The following RICTOR variants were observed in gnomAD, a reference collection of about 807,000 sequenced individuals.
The protein encoded by RICTOR is RPTOR independent companion of MTOR complex 2.
Under a neutral mutation model 214.9 loss-of-function variants are expected in RICTOR, and 49 were observed. That is an observed-to-expected ratio of 0.23 (90% CI 0.18 to 0.29). The LOEUF is 0.29. RICTOR is among the 10% of genes least tolerant of loss of function. The probability of loss-of-function intolerance (pLI) is 1.00; values close to 1 mark genes in which losing one functional copy is unlikely to be tolerated. For synonymous variants in RICTOR, 717 were observed against 711.3 expected, an observed-to-expected ratio of 1.01 and a Z score of -0.13; for missense variants, 1,625 against 2,047.0, an observed-to-expected ratio of 0.79 and a Z score of 3.98.
chr5:39,057,657 C>T (rs919668363), intron 2 of RICTOR, among the ~76,000 whole-genome samples: 2 of 152,088 alleles, frequency 1.3e-5, no homozygotes, highest in Non-Finnish European at 2.9e-5. Context: ...AAATTCACCA[C>T]TAAAAACAAG....
At position 38,968,484 on chromosome 5, in the gene RICTOR, A is replaced by AC. The variant is rs199637538; in HGVS notation, c.973-455_973-454insG. 4.8e-3 allele frequency among the ~76,000 whole-genome samples: 722 copies of AC among 151,754 alleles called. 8 individuals carry two copies. Among genetic ancestry groups the AC allele is most frequent in the African/African-American group, 0.015 (616 of 41,384 alleles). On this transcript the variant is annotated intron_variant, in intron 11 of 37. Transcript: ENST00000357387. ...TTCTATACTTTAAAAAACAAAACAA[A>AC]AAAAAAAAAAGCCCTTTGGGAAGCC...
chr5:39,053,314 C>T (rs547211469), intron 2 of RICTOR, among the ~76,000 whole-genome samples: 1 of 152,178 alleles, frequency 6.6e-6, no homozygotes, highest in African/African-American at 2.4e-5. Flanking sequence ...CTTGTCATGG[C>T]AAATCAGGTT....
chr5:38,990,514 CGATA>C (rs1752519749), intron 7 of RICTOR, among the ~76,000 whole-genome samples: 1 of 147,252 alleles, frequency 6.8e-6, no homozygotes, highest in Non-Finnish European at 1.5e-5. Flanking sequence ...GATATATACA[CGATA>C]TATATACGAT....
chr5:38,990,754 G>C (rs376672886), intron 7 of RICTOR, among the ~76,000 whole-genome samples, 195 bp downstream of exon 7: 1,480 of 101,772 alleles, frequency 0.015, 188 homozygotes, highest in East Asian at 0.02. Context: ...TGAGATATAT[G>C]ATATATATGA....
intron 37 of RICTOR, 44 bp downstream of exon 37, chr5:38,942,789 A>C: frequency 6.9e-7 from 1 of 1,454,148 alleles, no homozygotes; most frequent in African/African-American, 1.4e-5. Flanking sequence ...CAAACACAGA[A>C]TTATTCTTGG....
At chr5:39,070,340 G>A (rs1405207315) in intron 2 of RICTOR, among the ~76,000 whole-genome samples, 1 of 151,956 alleles carries the variant, frequency 6.6e-6, no homozygotes, top group Non-Finnish European at 1.5e-5. Context: ...GCGGTGGCGG[G>A]CGCCTGTAGT....
intron 7 of RICTOR, among the ~76,000 whole-genome samples, chr5:38,988,533 C>T (rs1752343934): frequency 6.6e-6 from 1 of 152,074 alleles, no homozygotes; most frequent in Admixed American, 6.5e-5. Flanking sequence ...CTTTTGCTTT[C>T]CACTTGCTTG....
intron 11 of RICTOR, chr5:38,970,005 T>C (rs1750640105): frequency 6.6e-6 from 1 of 152,166 alleles, no homozygotes; most frequent in African/African-American, 2.4e-5. Context: ...TATTGTACCT[T>C]TTCTATGTTT....
At chr5:39,052,675 C>G (rs1757933831) in intron 2 of RICTOR, among the ~76,000 whole-genome samples, 1 of 152,168 alleles carries the variant, frequency 6.6e-6, no homozygotes, top group South Asian at 2.1e-4. Flanking sequence ...GGGAAGATTA[C>G]TGACTAGTTT....
chr5:38,980,265 TAC>T (rs1751597466), intron 8 of RICTOR, among the ~76,000 whole-genome samples: 1 of 152,172 alleles, frequency 6.6e-6, no homozygotes. Flanking sequence ...TTTTCAGTCA[TAC>T]AGTCATGTCT....
At chr5:38,949,288 G>T in intron 31 of RICTOR, 1 of 1,011,492 alleles carries the variant, frequency 9.9e-7, no homozygotes, top group Non-Finnish European at 1.4e-6. Context: ...TAATTTCACT[G>T]AAATTTTCAT....
chr5:39,036,970 A>G (rs1937600539), intron 2 of RICTOR, among the ~76,000 whole-genome samples: 1 of 152,204 alleles, frequency 6.6e-6, no homozygotes, highest in Non-Finnish European at 1.5e-5. Context: ...AGCAGTCCTA[A>G]TAGACATCTA....
At chr5:39,037,794 A>T (rs1756845271) in intron 2 of RICTOR, among the ~76,000 whole-genome samples, 1 of 152,220 alleles carries the variant, frequency 6.6e-6, no homozygotes, top group African/African-American at 2.4e-5. Flanking sequence ...TGAATACACC[A>T]ATAACAGGCT....
chr5:38,945,325 C>G lies in RICTOR; in HGVS notation c.4633+166G>C, dbSNP rs956390171. On this transcript the variant is annotated intron_variant, in intron 34 of 37. Coordinates refer to ENST00000357387, the MANE Select transcript of RICTOR (RefSeq NM_152756.5). The stretch of plus-strand genomic sequence containing the variant: ...CTCAGGCCCCACTGTGACCTGGAAC[C>G]GTGAGAGGATCAGCATCTCAGCATA... The G allele has an allele frequency of 1.8e-5, 11 of 621,738 alleles. No individual in the cohort carries two copies. In the East Asian group the frequency reaches 2.7e-4, roughly 15 times the overall value. 38.5% of individuals were successfully genotyped at this position (621,738 alleles called of 1,614,324 possible). A position where few individuals can be genotyped will look rare whatever the true frequency, so the allele number is the denominator to read the frequency against.
At chr5:38,989,496 G>T (rs1408167516) in intron 7 of RICTOR, among the ~76,000 whole-genome samples, 3 of 152,118 alleles carry the variant, frequency 2.0e-5, no homozygotes, top group South Asian at 2.1e-4. Flanking sequence ...AGCCAAAATT[G>T]ACAAATGGGA....
chr5:38,979,705 T>G (rs989845978), intron 8 of RICTOR, among the ~76,000 whole-genome samples: 1 of 152,196 alleles, frequency 6.6e-6, no homozygotes, highest in Admixed American at 6.5e-5. Context: ...AGGATCTGCG[T>G]CAACAAGTGT....
intron 24 of RICTOR, 35 bp downstream of exon 24, chr5:38,958,407 CA>C (rs1561457761): frequency 1.4e-6 from 2 of 1,400,108 alleles, no homozygotes; most frequent in African/African-American, 1.4e-5. Context: ...AAGAACACAA[CA>C]AAAAAACATA....
At chr5:39,016,302 G>A (rs1016024711) in intron 3 of RICTOR, among the ~76,000 whole-genome samples, 1 of 146,776 alleles carries the variant, frequency 6.8e-6, no homozygotes, top group Non-Finnish European at 1.5e-5. Flanking sequence ...GTGGTACAAC[G>A]GAGAAAAGGA....
intron 33 of RICTOR, among the ~76,000 whole-genome samples, 181 bp from the exon 34 acceptor site, chr5:38,945,905 A>T (rs1172448660): frequency 6.6e-6 from 1 of 152,168 alleles, no homozygotes; most frequent in Non-Finnish European, 1.5e-5. Context: ...GATGTTTATT[A>T]TTTTAATATA....
Sources: gnomAD v4.1 joint callset for allele counts (sites outside exome capture counted in the v4.1 genomes callset) on GRCh38, gnomAD v4.1.1 for gene constraint, MANE v1.5 for transcripts, NCBI Gene and HGNC (gene_info 2026-07-23, HGNC 2026-07-21) for gene names.